The following MACROD2 variants were observed in gnomAD, a reference collection of about 807,000 sequenced individuals.
MACROD2 encodes the protein ADP-ribose glycohydrolase MACROD2.
MACROD2 carries 36 observed loss-of-function variants against 70.4 expected under a neutral mutation model. That is an observed-to-expected ratio of 0.51 (90% CI 0.39 to 0.68). MACROD2 has a LOEUF of 0.68. Ranked by LOEUF, MACROD2 falls within the 30% of genes least tolerant of loss-of-function variation. The probability of loss-of-function intolerance (pLI) is 0.00; values close to 1 mark genes in which losing one functional copy is unlikely to be tolerated. For synonymous variants in MACROD2, 172 were observed against 178.8 expected (o/e 0.96, Z 0.30); for missense variants, 496 against 538.4 (o/e 0.92, Z 0.78).
chr20:14,257,510 T>C (rs563396720), intron 3 of MACROD2, among the ~76,000 whole-genome samples: 1 of 152,112 alleles, frequency 6.6e-6, no homozygotes, highest in Non-Finnish European at 1.5e-5. Flanking sequence ...GTATGAAAAC[T>C]CTAAAAGGGA....
At chr20:14,019,940 TTTTA>T (rs778435152) in intron 2 of MACROD2, among the ~76,000 whole-genome samples, 9 of 152,182 alleles carry the variant, frequency 5.9e-5, no homozygotes, top group Non-Finnish European at 1.2e-4. Flanking sequence ...GTGGATGGCC[TTTTA>T]TTAGTTTTAC....
intron 7 of MACROD2, among the ~76,000 whole-genome samples, chr20:15,499,108 T>C (rs974158187): frequency 9.2e-5 from 14 of 152,216 alleles, no homozygotes; most frequent in African/African-American, 3.4e-4. Context: ...TATGGTGACA[T>C]TCTGAATGTG....
chr20:14,522,109 A>G (rs1408044180), intron 4 of MACROD2, among the ~76,000 whole-genome samples: 2 of 152,222 alleles, frequency 1.3e-5, no homozygotes, highest in Non-Finnish European at 2.9e-5. Flanking sequence ...TAATCCGAGC[A>G]GCTCTTCTTC....
At chr20:15,004,037 G>T (rs971638770) in intron 5 of MACROD2, among the ~76,000 whole-genome samples, 1 of 151,908 alleles carries the variant, frequency 6.6e-6, no homozygotes, top group African/African-American at 2.4e-5. Context: ...CAACAAATCA[G>T]CAGCAAGCAC....
chr20:14,801,532 T>G (rs1568803646), intron 5 of MACROD2, among the ~76,000 whole-genome samples: 1 of 152,130 alleles, frequency 6.6e-6, no homozygotes, highest in Non-Finnish European at 1.5e-5. Flanking sequence ...CAGGAGTTTT[T>G]TATACAGTAA....
At chr20:15,208,373 C>T (rs1183693003) in intron 5 of MACROD2, among the ~76,000 whole-genome samples, 3 of 152,108 alleles carry the variant, frequency 2.0e-5, no homozygotes, top group African/African-American at 7.2e-5. Context: ...AATGATGGTT[C>T]CTTTAAAATC....
At chr20:15,352,864 A>G (rs2146227155) in intron 6 of MACROD2, among the ~76,000 whole-genome samples, 1 of 152,178 alleles carries the variant, frequency 6.6e-6, no homozygotes, top group Admixed American at 6.5e-5. Context: ...GATACAAACA[A>G]ATGGAAGAAC....
intron 4 of MACROD2, among the ~76,000 whole-genome samples, chr20:14,551,741 A>C (rs967676919): frequency 6.6e-6 from 1 of 152,208 alleles, no homozygotes; most frequent in Non-Finnish European, 1.5e-5. Context: ...TTATTGAGGA[A>C]AATTAAAATT....
chr20:14,655,330 TG>T, intron 4 of MACROD2, among the ~76,000 whole-genome samples: 1 of 150,852 alleles, frequency 6.6e-6, no homozygotes, highest in Non-Finnish European at 1.5e-5. Context: ...TGTGTGTGTG[TG>T]TGTGTGTGTG....
chr20:15,899,201 TATCTA>T (rs1272168944), intron 10 of MACROD2, among the ~76,000 whole-genome samples: 6 of 152,204 alleles, frequency 3.9e-5, no homozygotes, highest in African/African-American at 9.6e-5. Flanking sequence ...TCTATTTACT[TATCTA>T]ATCACACAGA....
chr20:14,091,496 A>G (rs1023587676), intron 3 of MACROD2, among the ~76,000 whole-genome samples: 4 of 152,198 alleles, frequency 2.6e-5, no homozygotes, highest in Admixed American at 2.6e-4. Flanking sequence ...ATGTCTCACC[A>G]TAAAGAATGA....
intron 8 of MACROD2, among the ~76,000 whole-genome samples, chr20:15,783,590 G>C (rs940809303): frequency 6.6e-6 from 1 of 151,970 alleles, no homozygotes; most frequent in Non-Finnish European, 1.5e-5. Context: ...TGATGCCTTA[G>C]GTAAGGATAC....
intron 3 of MACROD2, among the ~76,000 whole-genome samples, chr20:14,362,555 A>C (rs2083232140): frequency 6.6e-6 from 1 of 152,188 alleles, no homozygotes; most frequent in African/African-American, 2.4e-5. Flanking sequence ...TAAAAATTTC[A>C]CAGCCCCAAG....
chr20:15,772,897 G>T (rs2051660352), intron 8 of MACROD2, among the ~76,000 whole-genome samples: 1 of 150,888 alleles, frequency 6.6e-6, no homozygotes, highest in Non-Finnish European at 1.5e-5. Context: ...TTCTTTCCTG[G>T]AAAAAAAAAT....
At chr20:15,179,809 A>G (rs1416977488) in intron 5 of MACROD2, among the ~76,000 whole-genome samples, 3 of 152,156 alleles carry the variant, frequency 2.0e-5, no homozygotes, top group Non-Finnish European at 4.4e-5. Context: ...TTGCATTTTG[A>G]TATTATTGGA....
At chr20:15,840,545 C>T (rs1246012908) in intron 8 of MACROD2, among the ~76,000 whole-genome samples, 1 of 152,126 alleles carries the variant, frequency 6.6e-6, no homozygotes, top group Non-Finnish European at 1.5e-5. Context: ...CAAAAAATGT[C>T]ATAAATTATG....
intron 8 of MACROD2, among the ~76,000 whole-genome samples, chr20:15,800,660 G>A (rs898470469): frequency 1.3e-5 from 2 of 152,116 alleles, no homozygotes; most frequent in African/African-American, 2.4e-5. Flanking sequence ...GAGCCCCTCT[G>A]CCCGGCCACC....
intron 6 of MACROD2, among the ~76,000 whole-genome samples, chr20:15,299,364 G>A (rs767685194): frequency 1.3e-5 from 2 of 152,080 alleles, no homozygotes; most frequent in African/African-American, 4.8e-5. Context: ...TCTGGCTACT[G>A]GTAACAAATC....
chr20:15,087,414 G>A (rs1210683030), intron 5 of MACROD2, among the ~76,000 whole-genome samples: 1 of 151,988 alleles, frequency 6.6e-6, no homozygotes, highest in African/African-American at 2.4e-5. Context: ...ACCCAAGTTT[G>A]CATGGAAATA....
Sources: allele counts gnomAD v4.1 joint callset (sites outside exome capture counted in the v4.1 genomes callset), GRCh38; gene constraint gnomAD v4.1.1; transcripts MANE v1.5; gene names NCBI Gene and HGNC (gene_info 2026-07-23, HGNC 2026-07-21).